ZNF493: variants seen among roughly 807,000 people sequenced by gnomAD.
ZNF493 encodes zinc finger protein 493.
ZNF493 carries 11 observed loss-of-function variants against 12.2 expected under a neutral mutation model. The ratio of observed to expected loss-of-function variants is 0.90; its 90% CI spans 0.57 to 1.50. The LOEUF (loss-of-function observed/expected upper bound fraction) is 1.50, where lower values mean the gene tolerates loss of function less well. Ranked by LOEUF, ZNF493 falls within the 40% of genes most tolerant of loss-of-function variation. The pLI is 0.00. For synonymous variants in ZNF493, 286 were observed against 302.6 expected, an observed-to-expected ratio of 0.95 and a Z score of 0.57; for missense variants, 950 against 906.6, an observed-to-expected ratio of 1.05 and a Z score of -0.61.
chr19:21,408,404 C>T, intron 3 of ZNF493: 1 of 981,990 alleles, frequency 1.0e-6, no homozygotes, highest in African/African-American at 1.7e-5. Flanking sequence ...GCTGGGATTA[C>T]AGACGTGAGC....
At chr19:21,401,094 A>G (rs541190017) in intron 1 of ZNF493, among the ~76,000 whole-genome samples, 1 of 152,184 alleles carries the variant, frequency 6.6e-6, no homozygotes. Context: ...TAAGTTTGTC[A>G]TACTTAGATA....
chr19:21,425,137 T>C lies in ZNF493; in HGVS notation c.*153T>C, dbSNP rs751260879. On this transcript the variant is annotated 3_prime_UTR_variant, in exon 4 of 4. Coordinates refer to ENST00000392288, the MANE Select transcript of ZNF493 (RefSeq NM_001076678.3). Reference sequence around the variant, plus strand: ...GAATGTGGCAAAGATTTCTATTGATTCTCATACCTTACTAAATATAAGATA... The same window carrying C: ...GAATGTGGCAAAGATTTCTATTGATCCTCATACCTTACTAAATATAAGATA... 1.1e-4 allele frequency: 102 copies of C among 907,120 alleles called. 1 individual carries two copies. Among genetic ancestry groups the C allele is most frequent in the South Asian group, 8.3e-4 (58 of 70,044 alleles). The allele number at this position is 907,120 out of a possible 1,614,324, so 56.2% of individuals were successfully genotyped here.
intron 3 of ZNF493, among the ~76,000 whole-genome samples, chr19:21,406,256 G>A (rs909975594): frequency 2.0e-5 from 3 of 151,640 alleles, no homozygotes; most frequent in African/African-American, 7.3e-5. Flanking sequence ...GTTATCAAGT[G>A]AATATAATAC....
rs900521742 is a variant in ZNF493, at chr19:21,427,285, C to T, written c.*2301C>T. The T allele has an allele frequency of 6.0e-6, 1 of 166,436 alleles. No homozygotes were observed. The highest frequency in any genetic ancestry group is 2.4e-5 in the African/African-American group (1 of 41,420). The allele number at this position is 166,436 out of a possible 1,614,324, so 10.3% of individuals were successfully genotyped here. On this transcript the variant is annotated 3_prime_UTR_variant, in exon 4 of 4. Transcript: ENST00000392288. Reference sequence around the variant, plus strand: ...ACTAGTATATTATTCATATATTTTACTAATTGTACTTTTTTTATTATACTT... The same window carrying T: ...ACTAGTATATTATTCATATATTTTATTAATTGTACTTTTTTTATTATACTT...
At chr19:21,420,609 ATATATATATATATATTTTTTTTT>A (rs2030633471) in intron 3 of ZNF493, among the ~76,000 whole-genome samples, 1 of 9,732 alleles carries the variant, frequency 1.0e-4, no homozygotes, top group Non-Finnish European at 1.8e-4. Flanking sequence ...ATATATATAT[ATATATATATATATATTTTTTTTT>A]TTTTTTTTTT....
chr19:21,404,519 G>C (rs1386753275), intron 1 of ZNF493, among the ~76,000 whole-genome samples: 1 of 152,150 alleles, frequency 6.6e-6, no homozygotes, highest in African/African-American at 2.4e-5. Flanking sequence ...GCCTTTCTTT[G>C]TTAGGTTTTC....
In ZNF493 at chr19:21,397,607, T is replaced by C; in HGVS notation, c.30+340T>C. 1.1e-5 allele frequency: 6 copies of C among 530,900 alleles called. No individual in the cohort carries two copies. In the South Asian group the frequency reaches 1.8e-4, roughly 16 times the overall value. The allele number at this position is 530,900 out of a possible 1,614,324, so 32.9% of individuals were successfully genotyped here. On this transcript the variant is annotated intron_variant, in intron 1 of 3. Coordinates refer to ENST00000392288, the MANE Select transcript of ZNF493 (RefSeq NM_001076678.3). Reference sequence around the variant, plus strand: ...AATCCTGACTTGGGGTGCGGGTTCATGAATGGGAAGAGCTTTGGTCCGTGG... The same window carrying C: ...AATCCTGACTTGGGGTGCGGGTTCACGAATGGGAAGAGCTTTGGTCCGTGG...
intron 3 of ZNF493, among the ~76,000 whole-genome samples, chr19:21,420,574 G>A (rs1462338717): frequency 1.1e-5 from 1 of 90,430 alleles, no homozygotes; most frequent in Non-Finnish European, 2.1e-5. Flanking sequence ...TTTTGTGATG[G>A]TATTATACTC....
At chr19:21,412,324 A>G (rs546757450) in intron 3 of ZNF493, 1 of 152,376 alleles carries the variant, frequency 6.6e-6, no homozygotes, top group African/African-American at 2.4e-5. Flanking sequence ...GGCTCCTGCT[A>G]TTGTTTATGG....
At position 21,397,142 on chromosome 19, in the gene ZNF493, C is replaced by T. The variant is rs1289016600; in HGVS notation, c.-96C>T. 1.4e-6 allele frequency: 2 copies of T among 1,440,516 alleles called. No homozygotes were observed. The highest frequency in any genetic ancestry group is 2.8e-5 in the African/African-American group (2 of 71,858). 89.2% of individuals were successfully genotyped at this position (1,440,516 alleles called of 1,614,324 possible). On this transcript the variant is annotated 5_prime_UTR_variant, in exon 1 of 4. Transcript: ENST00000392288. ...GGGATGTGGCTGGGCCATTGTTTCT[C>T]TCTGCTGCCGGAGCTCCAGGTCTAC...
At chr19:21,421,124 G>C (rs1193798498) in intron 3 of ZNF493, among the ~76,000 whole-genome samples, 1 of 152,002 alleles carries the variant, frequency 6.6e-6, no homozygotes, top group Non-Finnish European at 1.5e-5. Flanking sequence ...ATATGTGTTT[G>C]ATATAAATAT....
rs1326804502 is a variant in ZNF493 at position 21,399,261 on chromosome 19, C to T, written c.30+1994C>T. On this transcript the variant is annotated intron_variant, in intron 1 of 3. Transcript: ENST00000392288. ...CTGAAAGCTCTCCCTCCCGGGTTCC[C>T]GCCATTCTCCTGCCTCAGCCTCCCA... Among the ~76,000 whole-genome samples the T allele has an allele frequency of 3.9e-5, 6 of 151,988 alleles. No individual in the cohort carries two copies. In the South Asian group the frequency reaches 6.2e-4, roughly 16 times the overall value.
intron 3 of ZNF493, among the ~76,000 whole-genome samples, chr19:21,421,496 G>A (rs935408325): frequency 6.6e-6 from 1 of 152,096 alleles, no homozygotes; most frequent in Non-Finnish European, 1.5e-5. Flanking sequence ...CTCCCAAGTA[G>A]ATGGGATTAC....
intron 3 of ZNF493, among the ~76,000 whole-genome samples, chr19:21,410,596 AACT>A (rs1304426371): frequency 2.0e-5 from 3 of 152,282 alleles, no homozygotes; most frequent in Non-Finnish European, 2.9e-5. Context: ...TATGAATATT[AACT>A]ACTATCACAT....
rs1007213719 is a variant in ZNF493 at position 21,425,239 on chromosome 19, A to G, written c.*255A>G. ...AATTAGTTCTCATCCCTTACTAAACATAAGAGAATTCATACCATAGAGAAA... is the reference window on the plus strand; with the variant it reads ...AATTAGTTCTCATCCCTTACTAAACGTAAGAGAATTCATACCATAGAGAAA... On this transcript the variant is annotated 3_prime_UTR_variant, in exon 4 of 4. Transcript: ENST00000392288. The G allele has an allele frequency of 5.4e-5, 29 of 532,508 alleles. No homozygotes were observed. The highest frequency in any genetic ancestry group is 5.0e-4 in the African/African-American group (26 of 52,010). 33.0% of individuals were successfully genotyped at this position (532,508 alleles called of 1,614,324 possible).
intron 3 of ZNF493, among the ~76,000 whole-genome samples, chr19:21,410,373 T>C (rs1471848066): frequency 1.3e-5 from 2 of 152,152 alleles, no homozygotes; most frequent in East Asian, 3.8e-4. Flanking sequence ...ACATATTTGG[T>C]GTGCTTAAAA....
intron 3 of ZNF493, among the ~76,000 whole-genome samples, chr19:21,416,695 A>G (rs1258519700): frequency 6.6e-6 from 1 of 152,104 alleles, no homozygotes; most frequent in Non-Finnish European, 1.5e-5. Context: ...TGTTCGTTTA[A>G]TTTCACTTTT....
intron 3 of ZNF493, among the ~76,000 whole-genome samples, chr19:21,415,048 C>T (rs1362204697): frequency 6.6e-6 from 1 of 152,126 alleles, no homozygotes; most frequent in Admixed American, 6.5e-5. Context: ...AATCCGAGTT[C>T]TCCCAATCCC....
chr19:21,415,315 C>T (rs1011454139), intron 3 of ZNF493, among the ~76,000 whole-genome samples: 1 of 152,136 alleles, frequency 6.6e-6, no homozygotes, highest in African/African-American at 2.4e-5. Context: ...ACTAGGATTT[C>T]CTCTAAGGAT....
Sources: allele counts gnomAD v4.1 joint callset (sites outside exome capture counted in the v4.1 genomes callset), GRCh38; gene constraint gnomAD v4.1.1; transcripts MANE v1.5; gene names NCBI Gene and HGNC (gene_info 2026-07-23, HGNC 2026-07-21).